AGBL4: variants seen among roughly 807,000 people sequenced by gnomAD.
The protein encoded by AGBL4 is cytosolic carboxypeptidase 6.
A neutral mutation model predicts 66.4 loss-of-function variants in AGBL4; 58 were observed. That is an observed-to-expected ratio of 0.87 (90% confidence interval 0.71 to 1.09). AGBL4 has a LOEUF of 1.09. AGBL4 is among the 50% of genes least tolerant of loss of function. The pLI, the probability that AGBL4 is intolerant of heterozygous loss-of-function variation, is 0.00. For synonymous variants in AGBL4, 234 were observed against 222.9 expected, an observed-to-expected ratio of 1.05 and a Z score of -0.44; for missense variants, 579 against 631.0, an observed-to-expected ratio of 0.92 and a Z score of 0.88.
intron 5 of AGBL4, among the ~76,000 whole-genome samples, chr1:48,989,203 CTTCA>C (rs1171062249): frequency 1.3e-5 from 2 of 150,944 alleles, no homozygotes; most frequent in African/African-American, 2.4e-5. Context: ...CTTCGAGAGC[CTTCA>C]TTCTTTTCTT....
chr1:49,052,459 G>A (rs942258007), intron 4 of AGBL4, among the ~76,000 whole-genome samples: 3 of 152,118 alleles, frequency 2.0e-5, no homozygotes, highest in Non-Finnish European at 2.9e-5. Context: ...TTCTTCCCCC[G>A]TGCCTCTGTA....
chr1:49,943,874 T>C (rs780781196), intron 1 of AGBL4, among the ~76,000 whole-genome samples: 2 of 152,090 alleles, frequency 1.3e-5, no homozygotes, highest in Non-Finnish European at 2.9e-5. Flanking sequence ...ACTGGAAGAC[T>C]GGTAGCCTAG....
In AGBL4 at chr1:49,851,526, A is replaced by C; in HGVS notation, c.35-8T>G. 3 of 1,543,312 alleles carry C rather than the reference A, an allele frequency of 1.9e-6. No individual in the cohort carries two copies. The highest frequency in any genetic ancestry group is 2.6e-6 in the Non-Finnish European group (3 of 1,144,218). ...CATTTCCCATATCATTGCCTATTTAAAAAAATTGAAATAAAAGTCAAAGTA... is the reference window on the plus strand; with the variant it reads ...CATTTCCCATATCATTGCCTATTTACAAAAATTGAAATAAAAGTCAAAGTA... On this transcript the variant is annotated splice_region_variant and splice_polypyrimidine_tract_variant and intron_variant, in intron 1 of 13. Coordinates refer to ENST00000371839, the MANE Select transcript of AGBL4 (RefSeq NM_032785.4).
intron 3 of AGBL4, among the ~76,000 whole-genome samples, chr1:49,538,702 C>T (rs530886476): frequency 2.6e-5 from 4 of 152,080 alleles, no homozygotes; most frequent in Non-Finnish European, 5.9e-5. Context: ...AATACTCAAA[C>T]TCACTAATAA....
intron 9 of AGBL4, among the ~76,000 whole-genome samples, chr1:48,614,798 G>T (rs1285288932): frequency 6.6e-6 from 1 of 152,160 alleles, no homozygotes; most frequent in Non-Finnish European, 1.5e-5. Flanking sequence ...AACAAAGTAT[G>T]GGGGGAGGGT....
At chr1:49,367,386 T>A (rs1644259976) in intron 3 of AGBL4, among the ~76,000 whole-genome samples, 2 of 152,180 alleles carry the variant, frequency 1.3e-5, no homozygotes, top group South Asian at 4.1e-4. Flanking sequence ...CCCTCTCTCT[T>A]CATGTGATCC....
chr1:48,655,482 A>T (rs1442940393), intron 7 of AGBL4, among the ~76,000 whole-genome samples: 33 of 152,156 alleles, frequency 2.2e-4, no homozygotes, highest in Admixed American at 2.2e-3. Flanking sequence ...CCTGAGTTTG[A>T]ATCTTAACTG....
At chr1:49,555,191 G>A (rs957429703) in intron 3 of AGBL4, among the ~76,000 whole-genome samples, 7 of 152,120 alleles carry the variant, frequency 4.6e-5, no homozygotes, top group Non-Finnish European at 1.0e-4. Flanking sequence ...GTTTTGACAG[G>A]GTGCTGATTG....
rs562960198 is a variant in AGBL4 at position 49,536,368 on chromosome 1, G to A, written c.282+160945C>T. ...CAGAAATTTTTATCTGTGTGTGTGC[G>A]TGTGTGTTCATGTGCATGTGTGTGT... On this transcript the variant is annotated intron_variant, in intron 3 of 13. Transcript: ENST00000371839. 2.0e-4 allele frequency among the ~76,000 whole-genome samples: 31 copies of A among 152,228 alleles called. No individual in the cohort carries two copies. In the East Asian group the frequency reaches 3.7e-3, roughly 18 times the overall value.
At chr1:48,541,397 G>T (rs1644066475) in intron 11 of AGBL4, among the ~76,000 whole-genome samples, 2 of 152,204 alleles carry the variant, frequency 1.3e-5, no homozygotes, top group South Asian at 4.1e-4. Context: ...ATGAGGCAGA[G>T]GTCATATCTG....
At chr1:48,859,111 T>C (rs1558045362) in intron 6 of AGBL4, among the ~76,000 whole-genome samples, 1 of 152,078 alleles carries the variant, frequency 6.6e-6, no homozygotes, top group Non-Finnish European at 1.5e-5. Flanking sequence ...TCGTGGCTCC[T>C]CATCCCTCCC....
intron 4 of AGBL4, among the ~76,000 whole-genome samples, chr1:49,160,861 C>G (rs1414279776): frequency 6.6e-6 from 1 of 152,170 alleles, no homozygotes; most frequent in Non-Finnish European, 1.5e-5. Context: ...AAGGGTAAAA[C>G]GGCTTACTCA....
intron 3 of AGBL4, among the ~76,000 whole-genome samples, chr1:49,564,230 A>T (rs944467335): frequency 6.6e-6 from 1 of 151,850 alleles, no homozygotes; most frequent in Non-Finnish European, 1.5e-5. Context: ...GCAGTCTATC[A>T]ATTTTGTTGA....
chr1:49,473,824 G>C (rs1180324787), intron 3 of AGBL4, among the ~76,000 whole-genome samples: 1 of 152,004 alleles, frequency 6.6e-6, no homozygotes, highest in Non-Finnish European at 1.5e-5. Flanking sequence ...GAAAGGCAAG[G>C]GTCCAATTTC....
intron 3 of AGBL4, among the ~76,000 whole-genome samples, chr1:49,633,087 TAAATAA>T (rs1645603376): frequency 6.6e-6 from 1 of 150,648 alleles, no homozygotes; most frequent in African/African-American, 2.4e-5. Context: ...AATAAATAAG[TAAATAA>T]AAATAAAAAT....
chr1:49,671,681 A>G (rs1485543708), intron 3 of AGBL4, among the ~76,000 whole-genome samples: 79 of 152,188 alleles, frequency 5.2e-4, no homozygotes, highest in Non-Finnish European at 2.9e-5. Context: ...AAGGACATGA[A>G]CAGACACTTC....
At chr1:49,533,757 C>G (rs146748262) in intron 3 of AGBL4, among the ~76,000 whole-genome samples, 1 of 151,960 alleles carries the variant, frequency 6.6e-6, no homozygotes, top group African/African-American at 2.4e-5. Context: ...CATATTTGCC[C>G]GCTTCAACAT....
In AGBL4 at chr1:48,590,948, T is replaced by A; in HGVS notation, c.989A>T (p.His330Leu). ...SLEFYIDIHA[H>L]STMMNGFMYG... The stretch of plus-strand genomic sequence containing the variant: ...CATGAAGCCATTCATCATGGTGGAG[T>A]GGGCATGGATGTCAATATAAAACTC... Residue 330 changes from histidine (H) to leucine (L), a missense_variant, in exon 10 of 14, where the codon CAC (histidine) becomes CTC (leucine). Physicochemically the swap from His to Leu is moderately conservative, Grantham distance 99. Transcript: ENST00000371839. The A allele has an allele frequency of 6.2e-7, 1 of 1,610,472 alleles. No individual in the cohort carries two copies. Among genetic ancestry groups the A allele is most frequent in the Non-Finnish European group, 8.5e-7 (1 of 1,178,742 alleles).
At chr1:49,404,110 A>T (rs1159648239) in intron 3 of AGBL4, among the ~76,000 whole-genome samples, 1 of 152,154 alleles carries the variant, frequency 6.6e-6, no homozygotes, top group East Asian at 1.9e-4. Context: ...GTTATGACCT[A>T]AATGCTTCTG....
Sources: gnomAD v4.1 joint callset for allele counts (sites outside exome capture counted in the v4.1 genomes callset) on GRCh38, gnomAD v4.1.1 for gene constraint, MANE v1.5 for transcripts, NCBI Gene and HGNC (gene_info 2026-07-23, HGNC 2026-07-21) for gene names.